The following GNG7 variants were observed in gnomAD, a reference collection of about 807,000 sequenced individuals.
GNG7 encodes guanine nucleotide-binding protein G(I)/G(S)/G(O) subunit gamma-7.
In GNG7, 1 loss-of-function variant was observed where a neutral mutation model predicts 4.0. The ratio of observed to expected loss-of-function variants is 0.25; its 90% CI spans 0.09 to 1.18. GNG7 has a LOEUF of 1.18. GNG7 is among the 50% of genes most tolerant of loss of function. The probability of loss-of-function intolerance (pLI) is 0.50; values close to 1 mark genes in which losing one functional copy is unlikely to be tolerated. For synonymous variants in GNG7, 34 were observed against 36.9 expected, an observed-to-expected ratio of 0.92 and a Z score of 0.29; for missense variants, 86 against 91.9, an observed-to-expected ratio of 0.94 and a Z score of 0.26.
intron 3 of GNG7, among the ~76,000 whole-genome samples, chr19:2,545,954 CAAAAA>C (rs1478099979): frequency 7.4e-6 from 1 of 134,634 alleles, no homozygotes; most frequent in Non-Finnish European, 1.7e-5. Context: ...GACTCTGCCT[CAAAAA>C]CAAAACAAAA....
At chr19:2,539,289 A>G (rs2144745390) in intron 3 of GNG7, among the ~76,000 whole-genome samples, 1 of 150,860 alleles carries the variant, frequency 6.6e-6, no homozygotes, top group East Asian at 1.9e-4. Flanking sequence ...ACAAACTGAG[A>G]AATAAACATA....
chr19:2,541,844 G>A (rs1267639134), intron 3 of GNG7, among the ~76,000 whole-genome samples: 1 of 152,004 alleles, frequency 6.6e-6, no homozygotes, highest in African/African-American at 2.4e-5. Context: ...GAGGCCAGGA[G>A]TTTGAGGTTG....
At position 2,614,042 on chromosome 19, in the gene GNG7, G is replaced by A. The variant is rs559748660; in HGVS notation, c.-78+32182C>T. ...AATCCACCCAGGGAACTCGGGCCCC[G>A]CGCCTACCCCCGGGGTAAAGGGGGC... On this transcript the variant is annotated intron_variant, in intron 2 of 4. Transcript: ENST00000382159. This position sits in a 1 kb window ranked among gnomAD's most constrained non-coding sequence, Gnocchi z 6.0. Among the ~76,000 whole-genome samples the A allele has an allele frequency of 1.3e-5, 2 of 152,172 alleles. No individual in the cohort carries two copies. The highest frequency in any genetic ancestry group is 4.8e-5 in the African/African-American group (2 of 41,448).
intron 2 of GNG7, among the ~76,000 whole-genome samples, chr19:2,580,536 C>T (rs976313996): frequency 6.6e-5 from 10 of 152,020 alleles, no homozygotes; most frequent in Admixed American, 6.6e-4. Flanking sequence ...GGGGATCCAC[C>T]TGCCTTGACC....
intron 1 of GNG7, among the ~76,000 whole-genome samples, chr19:2,696,332 AAG>A (rs1356093561): frequency 6.9e-4 from 101 of 147,222 alleles, no homozygotes; most frequent in African/African-American, 2.4e-3. Flanking sequence ...GAAAGAAAGA[AAG>A]AAAGAAAGAA....
At chr19:2,615,163 CTCTT>C (rs1981684987) in intron 2 of GNG7, among the ~76,000 whole-genome samples, 1 of 149,260 alleles carries the variant, frequency 6.7e-6, no homozygotes, top group African/African-American at 2.5e-5. Context: ...ATCTGTGACA[CTCTT>C]TTTTTTTTTT....
chr19:2,691,988 G>A (rs1176022151), intron 1 of GNG7, among the ~76,000 whole-genome samples: 3 of 152,212 alleles, frequency 2.0e-5, no homozygotes, highest in Non-Finnish European at 4.4e-5. Context: ...GGAGCCCCCA[G>A]GGGGTGGGGG....
At chr19:2,696,292 G>GAGAAAGAAAGAAAGAAAGAAAGAAAGAA (rs796306243) in intron 1 of GNG7, among the ~76,000 whole-genome samples, 1 of 108,512 alleles carries the variant, frequency 9.2e-6, no homozygotes, top group Non-Finnish European at 1.8e-5. Context: ...AAGAGAGAGA[G>GAGAAAGAAAGAAAGAAAGAAAGAAAGAA]AGAAAGAAAG....
intron 2 of GNG7, among the ~76,000 whole-genome samples, chr19:2,576,674 G>A (rs896077525): frequency 1.3e-5 from 2 of 148,820 alleles, no homozygotes; most frequent in Non-Finnish European, 3.0e-5. Flanking sequence ...AGCCTCCTGA[G>A]TAGCTGGGAC....
chr19:2,700,696 C>T (rs2144665907), intron 1 of GNG7: 1 of 152,310 alleles, frequency 6.6e-6, no homozygotes, highest in Admixed American at 6.5e-5. Context: ...GAGGCACATG[C>T]TACTGTTTTT....
chr19:2,603,105 T>C (rs907411096), intron 2 of GNG7, among the ~76,000 whole-genome samples: 1 of 151,778 alleles, frequency 6.6e-6, no homozygotes, highest in Non-Finnish European at 1.5e-5. Context: ...TCGCTCTTGT[T>C]GCCCAGGCTG....
In GNG7 at chr19:2,568,166, T is replaced by C. The variant is rs374658822; in HGVS notation, c.-77-12978A>G. On this transcript the variant is annotated intron_variant, in intron 2 of 4. Coordinates refer to ENST00000382159, the MANE Select transcript of GNG7 (RefSeq NM_052847.3). The stretch of plus-strand genomic sequence containing the variant: ...ACACATGCACACACATACACATACA[T>C]ACACACACATACACACATGCACATA... Among the ~76,000 whole-genome samples, 149 of 133,716 alleles carry C rather than the reference T, an allele frequency of 1.1e-3. 1 individual carries two copies. Among genetic ancestry groups the C allele is most frequent in the African/African-American group, 3.5e-3 (115 of 32,904 alleles). The allele number at this position is 133,716 out of a possible 152,430, so 87.7% of individuals were successfully genotyped here.
intron 2 of GNG7, among the ~76,000 whole-genome samples, chr19:2,621,160 G>A (rs757616879): frequency 2.0e-5 from 3 of 152,116 alleles, no homozygotes; most frequent in Admixed American, 6.5e-5. Flanking sequence ...GTTTAGTGAC[G>A]TCCCTTCAAA....
At position 2,525,304 on chromosome 19, in the gene GNG7, C is replaced by G. The variant is rs993708534; in HGVS notation, c.-37-4579G>C. On this transcript the variant is annotated intron_variant, in intron 3 of 4. Transcript: ENST00000382159. The stretch of plus-strand genomic sequence containing the variant: ...CCCTCCTGACGGTCGGGCTCTGCCT[C>G]GGTGCACAGGCTCCTGCAGGCAGGC... Among the ~76,000 whole-genome samples the G allele has an allele frequency of 1.8e-4, 27 of 152,168 alleles. 1 individual carries two copies. Among genetic ancestry groups the G allele is most frequent in the African/African-American group, 6.0e-4 (25 of 41,454 alleles).
At chr19:2,681,254 G>A (rs80113088) in intron 1 of GNG7, among the ~76,000 whole-genome samples, 1 of 151,918 alleles carries the variant, frequency 6.6e-6, no homozygotes, top group African/African-American at 2.4e-5. Flanking sequence ...CACGATCTCG[G>A]CTCACTGCAA....
Position 2,511,718 on chromosome 19 carries a change from G to A in GNG7, c.*3304C>T. On this transcript the variant is annotated 3_prime_UTR_variant, in exon 5 of 5. Coordinates refer to ENST00000382159, the MANE Select transcript of GNG7 (RefSeq NM_052847.3). This position sits in a 1 kb window ranked among gnomAD's most constrained non-coding sequence, Gnocchi z 6.3. ...CGTTGCGCCTCGGACACGGTGGCCG[G>A]CCCGTCAAAGGGACCACGCAGAAGG... 4 of 819,826 alleles carry A rather than the reference G, an allele frequency of 4.9e-6. No individual in the cohort carries two copies. The highest frequency in any genetic ancestry group is 5.9e-6 in the Non-Finnish European group (4 of 678,534). The allele number at this position is 819,826 out of a possible 1,614,324, so 50.8% of individuals were successfully genotyped here. A position where few individuals can be genotyped will look rare whatever the true frequency, so the allele number is the denominator to read the frequency against.
chr19:2,568,757 CATACACAT>C (rs1181371216), intron 2 of GNG7, among the ~76,000 whole-genome samples: 3 of 151,618 alleles, frequency 2.0e-5, no homozygotes, highest in African/African-American at 7.3e-5. Flanking sequence ...CACATACACA[CATACACAT>C]ATACACATAA....
At chr19:2,601,910 G>A (rs563044001) in intron 2 of GNG7, among the ~76,000 whole-genome samples, 16 of 151,840 alleles carry the variant, frequency 1.1e-4, no homozygotes, top group Admixed American at 3.3e-4. Context: ...TCAGAAAGAA[G>A]AAAAGAGAAG....
chr19:2,558,256 T>G (rs987343308), intron 2 of GNG7, among the ~76,000 whole-genome samples: 7 of 150,388 alleles, frequency 4.7e-5, no homozygotes, highest in Non-Finnish European at 8.9e-5. Flanking sequence ...TTTTGTTTTT[T>G]TTTTGAGATA....
Sources: allele counts gnomAD v4.1 joint callset (sites outside exome capture counted in the v4.1 genomes callset), GRCh38; gene constraint gnomAD v4.1.1; non-coding constraint Gnocchi (gnomAD v3.1); transcripts MANE v1.5; gene names NCBI Gene and HGNC (gene_info 2026-07-23, HGNC 2026-07-21).